Variants in SPG11 observed in about 807,000 individuals in gnomAD.
SPG11 encodes the protein spatacsin.
In SPG11, 222 loss-of-function variants were observed where a neutral mutation model predicts 274.0. The observed-to-expected ratio is 0.81, with a 90% CI of 0.73 to 0.91. SPG11 has a LOEUF of 0.91. SPG11 is among the 40% of genes least tolerant of loss of function. The pLI is 0.00. For synonymous variants in SPG11, 1,144 were observed against 1,039.7 expected, an observed-to-expected ratio of 1.10 and a Z score of -1.93; for missense variants, 3,114 against 2,872.7, an observed-to-expected ratio of 1.08 and a Z score of -1.92.
intron 30 of SPG11, among the ~76,000 whole-genome samples, chr15:44,583,547 C>G (rs984132657): frequency 6.6e-6 from 1 of 152,168 alleles, no homozygotes; most frequent in African/African-American, 2.4e-5. Context: ...ATTAAATTTA[C>G]AGATGTATAG....
rs1212011887 is a variant in SPG11 at position 44,651,843 on chromosome 15, A to C, written c.1104T>G (p.His368Gln). The C allele has an allele frequency of 6.2e-7, 1 of 1,613,908 alleles. No homozygotes were observed. The highest frequency in any genetic ancestry group is 1.7e-5 in the Admixed American group (1 of 59,996). Residue 368 changes from histidine (H) to glutamine (Q), a missense_variant, in exon 6 of 40, where the codon CAT (histidine) becomes CAG (glutamine). Transcript: ENST00000261866. Reference sequence around the variant, plus strand: ...GGTTACCAGATTCAGGTGACTCCAAATGCAAAATATCCTGGAACCATGGAG... The same window carrying C: ...GGTTACCAGATTCAGGTGACTCCAACTGCAAAATATCCTGGAACCATGGAG... ...CCAPWFQDIL[H>Q]LESPESGNHS...
chr15:44,663,312 G>C (rs1422792063), intron 1 of SPG11, 79 bp downstream of exon 1: 1 of 1,541,144 alleles, frequency 6.5e-7, no homozygotes, highest in Non-Finnish European at 8.8e-7. Context: ...GGGAGGCCTC[G>C]GCGTGAGCCC....
intron 7 of SPG11, among the ~76,000 whole-genome samples, chr15:44,636,045 T>G (rs901694752): frequency 6.6e-6 from 1 of 152,050 alleles, no homozygotes; most frequent in Non-Finnish European, 1.5e-5. Context: ...TCAATAGATA[T>G]TGGGAGGGGC....
chr15:44,652,072 G>A (rs1451141253), intron 5 of SPG11, 57 bp downstream of exon 5: 7 of 1,605,266 alleles, frequency 4.4e-6, no homozygotes, highest in Non-Finnish European at 6.0e-6. Flanking sequence ...AAAGGGTACA[G>A]CGTCAGCATG....
At chr15:44,623,374 A>G (rs1365881886) in intron 11 of SPG11, among the ~76,000 whole-genome samples, 1 of 152,200 alleles carries the variant, frequency 6.6e-6, no homozygotes, top group Non-Finnish European at 1.5e-5. Context: ...AATGACAGCA[A>G]TCTGGTATGC....
chr15:44,583,753 C>T (rs1456076472), intron 30 of SPG11, 61 bp downstream of exon 30: 1 of 1,610,998 alleles, frequency 6.2e-7, no homozygotes, highest in African/African-American at 1.3e-5. Flanking sequence ...TCCCTTCCTT[C>T]TTGGAGACAG....
Position 44,622,220 on chromosome 15 carries a change from C to T in SPG11, c.2444G>A (p.Arg815Lys), listed in dbSNP as rs312262742. 4 of 1,612,348 alleles carry T rather than the reference C, an allele frequency of 2.5e-6. No individual in the cohort carries two copies. The highest frequency in any genetic ancestry group is 1.1e-5 in the South Asian group (1 of 90,950). Reference sequence around the variant, plus strand: ...ATCAAAAGAGGACTAATGAGACTACCTGGGAAATGACTGGATTTGCATATT... The same window carrying T: ...ATCAAAAGAGGACTAATGAGACTACTTGGGAAATGACTGGATTTGCATATT... ...QENMQIQSFPRYWIKEQDFFK... is the reference protein window; with the variant it reads ...QENMQIQSFPKYWIKEQDFFK... Residue 815 changes from arginine to lysine, a missense_variant and splice_region_variant, in exon 13 of 40, where the codon AGG becomes AAG. Transcript: ENST00000261866.
At chr15:44,580,340 A>C (rs545230883) in intron 30 of SPG11, among the ~76,000 whole-genome samples, 28 of 152,356 alleles carry the variant, frequency 1.8e-4, no homozygotes, top group Non-Finnish European at 2.9e-4. Context: ...ATGTTTACAC[A>C]GTGATGAAAT....
intron 2 of SPG11, 103 bp downstream of exon 2, chr15:44,660,329 C>T (rs2085066938): frequency 2.0e-6 from 2 of 993,954 alleles, no homozygotes; most frequent in South Asian, 2.7e-5. Context: ...CTATATCAGA[C>T]AGCGTAGACC....
intron 34 of SPG11, among the ~76,000 whole-genome samples, 162 bp from the exon 35 acceptor site, chr15:44,569,667 G>A (rs1319729173): frequency 1.3e-5 from 2 of 152,030 alleles, no homozygotes; most frequent in African/African-American, 4.8e-5. Context: ...ACCCAACAGG[G>A]GGCCTCTGGA....
chr15:44,602,036 A>T (rs1346411395), intron 20 of SPG11, among the ~76,000 whole-genome samples: 1 of 152,226 alleles, frequency 6.6e-6, no homozygotes, highest in African/African-American at 2.4e-5. Context: ...CTGTTGGTAT[A>T]TAGAAACACT....
intron 30 of SPG11, among the ~76,000 whole-genome samples, chr15:44,576,967 C>T (rs530088418): frequency 3.3e-5 from 5 of 151,872 alleles, no homozygotes; most frequent in African/African-American, 1.2e-4. Context: ...GCTGGGATTA[C>T]GGGTGTGCAC....
intron 3 of SPG11, 116 bp from the exon 4 acceptor site, chr15:44,657,412 G>A (rs1261436719): frequency 8.5e-6 from 8 of 944,600 alleles, no homozygotes; most frequent in Admixed American, 2.2e-5. Context: ...TATAACAGAA[G>A]AAGACTGAAA....
chr15:44,597,313 T>A, intron 23 of SPG11: 1 of 275,136 alleles, frequency 3.6e-6, no homozygotes, highest in Non-Finnish European at 7.1e-6. Flanking sequence ...GGTTTCTCCA[T>A]GTTGGTCAGG....
intron 33 of SPG11, among the ~76,000 whole-genome samples, 181 bp from the exon 34 acceptor site, chr15:44,570,839 C>A (rs1265353260): frequency 6.6e-6 from 1 of 152,174 alleles, no homozygotes; most frequent in African/African-American, 2.4e-5. Context: ...CCCTTGATGA[C>A]ATCCAAATCA....
intron 15 of SPG11, among the ~76,000 whole-genome samples, chr15:44,617,586 T>A (rs1026344926): frequency 5.3e-5 from 8 of 152,214 alleles, no homozygotes; most frequent in African/African-American, 1.9e-4. Flanking sequence ...CCGGCACCAA[T>A]ACTCTGTCTT....
chr15:44,569,593 G>A, intron 34 of SPG11, 88 bp from the exon 35 acceptor site: 1 of 987,260 alleles, frequency 1.0e-6, no homozygotes, highest in South Asian at 1.4e-5. Flanking sequence ...GTTGCTTTCA[G>A]ATGCCAAGCT....
At chr15:44,655,881 AT>A (rs1400503487) in intron 4 of SPG11, among the ~76,000 whole-genome samples, 2 of 152,230 alleles carry the variant, frequency 1.3e-5, no homozygotes, top group African/African-American at 4.8e-5. Context: ...TAATAGGACA[AT>A]TACAACAATA....
intron 36 of SPG11, 84 bp from the exon 37 acceptor site, chr15:44,566,389 A>C: frequency 1.5e-6 from 2 of 1,355,842 alleles, no homozygotes; most frequent in Non-Finnish European, 2.1e-6. Flanking sequence ...CGTGGCTAGA[A>C]TAGAAACATC....
Sources: allele counts gnomAD v4.1 joint callset (sites outside exome capture counted in the v4.1 genomes callset), GRCh38; gene constraint gnomAD v4.1.1; transcripts MANE v1.5; gene names NCBI Gene and HGNC (gene_info 2026-07-23, HGNC 2026-07-21).